Variants in TENM3 observed in about 807,000 individuals in gnomAD.
TENM3 encodes the protein teneurin transmembrane protein 3, also known as teneurin-3.
TENM3 carries 63 observed loss-of-function variants against 255.1 expected under a neutral mutation model. The ratio of observed to expected loss-of-function variants is 0.25; its 90% CI spans 0.20 to 0.30. The LOEUF (loss-of-function observed/expected upper bound fraction) is 0.30, where lower values mean the gene tolerates loss of function less well. Among genes scored for constraint, TENM3 ranks in the 10% least tolerant of loss-of-function variants. The pLI is 1.00. For synonymous variants in TENM3, 1,306 were observed against 1,322.3 expected (o/e 0.99, Z 0.27); for missense variants, 2,929 against 3,461.1 (o/e 0.85, Z 3.86).
chr4:182,187,826 A>C (rs10012909), intron 1 of TENM3, among the ~76,000 whole-genome samples: 1 of 152,168 alleles, frequency 6.6e-6, no homozygotes, highest in Admixed American at 6.5e-5. Context: ...TTTTTTGTCA[A>C]GCAGTAACAA....
chr4:182,435,125 G>A (rs1015705321), intron 3 of TENM3, among the ~76,000 whole-genome samples: 7 of 152,298 alleles, frequency 4.6e-5, no homozygotes, highest in East Asian at 1.9e-4. Flanking sequence ...GTAACTGTCC[G>A]TTCTGGGGGT....
the TENM3 span, among the ~76,000 whole-genome samples, chr4:181,856,521 C>G: frequency 6.6e-6 from 1 of 152,250 alleles, no homozygotes; most frequent in East Asian, 1.9e-4. Flanking sequence ...TGTAGTGTAC[C>G]CTACATAGAT....
chr4:182,477,756 A>G (rs997450775), intron 3 of TENM3, among the ~76,000 whole-genome samples: 2 of 152,240 alleles, frequency 1.3e-5, no homozygotes, highest in African/African-American at 4.8e-5. Flanking sequence ...TACACAGATA[A>G]ACAGCAGTTC....
intron 1 of TENM3, among the ~76,000 whole-genome samples, chr4:182,162,522 T>G (rs1307344832): frequency 6.6e-6 from 1 of 152,164 alleles, no homozygotes; most frequent in Admixed American, 6.5e-5. Flanking sequence ...TCCAGTGCCA[T>G]CTCAACCTCA....
chr4:181,921,130 A>G, the TENM3 span, among the ~76,000 whole-genome samples: 1 of 152,226 alleles, frequency 6.6e-6, no homozygotes, highest in Middle Eastern at 3.4e-3. Flanking sequence ...TGTTTTGGTT[A>G]CTGTAGGCTT....
chr4:181,559,259 A>T, the TENM3 span, among the ~76,000 whole-genome samples: 19 of 152,320 alleles, frequency 1.2e-4, 1 homozygote, highest in South Asian at 3.5e-3. Flanking sequence ...TCAACGATTT[A>T]ACCCTGAGAC....
the TENM3 span, among the ~76,000 whole-genome samples, chr4:181,760,999 C>CACACACACACACACAA: frequency 6.9e-6 from 1 of 145,626 alleles, no homozygotes; most frequent in African/African-American, 2.6e-5. Flanking sequence ...CACACACACA[C>CACACACACACACACAA]ACACACACAC....
At chr4:182,010,257 T>C in the TENM3 span, among the ~76,000 whole-genome samples, 1 of 152,216 alleles carries the variant, frequency 6.6e-6, no homozygotes, top group Non-Finnish European at 1.5e-5. Context: ...AATTGAATTT[T>C]ATTCTGAAAA....
At chr4:181,553,924 A>T in the TENM3 span, among the ~76,000 whole-genome samples, 2 of 152,004 alleles carry the variant, frequency 1.3e-5, no homozygotes, top group African/African-American at 4.8e-5. Context: ...CCGCTCTCTG[A>T]GTTGACTACT....
the TENM3 span, among the ~76,000 whole-genome samples, chr4:181,729,017 C>T: frequency 6.6e-6 from 1 of 152,002 alleles, no homozygotes; most frequent in Admixed American, 6.6e-5. Flanking sequence ...GCTCTAAGTA[C>T]ATGCAAAACA....
the TENM3 span, among the ~76,000 whole-genome samples, chr4:181,571,519 T>G: frequency 1.3e-5 from 2 of 152,042 alleles, no homozygotes; most frequent in Non-Finnish European, 2.9e-5. Context: ...AAAAAACTTT[T>G]TAGAAACTAG....
chr4:182,170,425 AT>A (rs1752026567), intron 1 of TENM3, among the ~76,000 whole-genome samples: 1 of 152,168 alleles, frequency 6.6e-6, no homozygotes, highest in African/African-American at 2.4e-5. Context: ...AAGTTGGCAA[AT>A]TAGCAGATTT....
intron 12 of TENM3, among the ~76,000 whole-genome samples, chr4:182,700,830 C>T (rs919400731): frequency 2.0e-5 from 3 of 152,062 alleles, no homozygotes; most frequent in African/African-American, 7.2e-5. Context: ...TTCTTATATA[C>T]TAAATTAGTT....
chr4:181,806,428 T>C, the TENM3 span, among the ~76,000 whole-genome samples: 1 of 152,254 alleles, frequency 6.6e-6, no homozygotes, highest in Non-Finnish European at 1.5e-5. Flanking sequence ...ATTCAAATGT[T>C]TGTTCCCTTC....
rs553039868 is a variant in TENM3 at position 182,660,146 on chromosome 4, T to C, written c.1111+6253T>C. Reference sequence around the variant, plus strand: ...ATGTTTATGGTTGTCACTATTACTATTTAATGCATCTCATCTTTACTAGAC... The same window carrying C: ...ATGTTTATGGTTGTCACTATTACTACTTAATGCATCTCATCTTTACTAGAC... On this transcript the variant is annotated intron_variant, in intron 6 of 27. Transcript: ENST00000511685. Among the ~76,000 whole-genome samples, 58 of 152,378 alleles carry C rather than the reference T, an allele frequency of 3.8e-4. 1 individual carries two copies. Among genetic ancestry groups the C allele is most frequent in the African/African-American group, 1.3e-3 (56 of 41,598 alleles).
At chr4:181,658,025 A>T in the TENM3 span, among the ~76,000 whole-genome samples, 1 of 152,144 alleles carries the variant, frequency 6.6e-6, no homozygotes, top group Non-Finnish European at 1.5e-5. Context: ...AGGCTAAAAA[A>T]CTACCTATAG....
chr4:181,607,213 A>G, the TENM3 span, among the ~76,000 whole-genome samples: 1 of 152,102 alleles, frequency 6.6e-6, no homozygotes, highest in African/African-American at 2.4e-5. Flanking sequence ...CACATATACT[A>G]TCAGCCACTC....
At chr4:182,113,353 G>A in the TENM3 span, among the ~76,000 whole-genome samples, 8 of 151,150 alleles carry the variant, frequency 5.3e-5, no homozygotes, top group East Asian at 1.9e-4. Context: ...ATTGAAATGC[G>A]TCTACAAAGA....
chr4:182,768,023 G>A lies in TENM3; in HGVS notation c.4893-5449G>A, dbSNP rs182993724. Reference sequence around the variant, plus strand: ...GCATTGCCGCCAGTATATACGTAACGACATATGCTGGTCTCGTGTTTGAGT... The same window carrying A: ...GCATTGCCGCCAGTATATACGTAACAACATATGCTGGTCTCGTGTTTGAGT... On this transcript the variant is annotated intron_variant, in intron 22 of 27. Coordinates refer to ENST00000511685, the MANE Select transcript of TENM3 (RefSeq NM_001080477.4). Among the ~76,000 whole-genome samples the A allele has an allele frequency of 8.0e-4, 122 of 152,270 alleles. 1 individual carries two copies. Among genetic ancestry groups the A allele is most frequent in the African/African-American group, 2.8e-3 (117 of 41,534 alleles).
Sources: gnomAD v4.1 joint callset for allele counts (sites outside exome capture counted in the v4.1 genomes callset) on GRCh38, gnomAD v4.1.1 for gene constraint, MANE v1.5 for transcripts, NCBI Gene and HGNC (gene_info 2026-07-23, HGNC 2026-07-21) for gene names.